Variants in NRXN1 observed in about 807,000 individuals in gnomAD.
The protein encoded by NRXN1 is neurexin-1.
NRXN1 carries 39 observed loss-of-function variants against 150.9 expected under a neutral mutation model. That is an observed-to-expected ratio of 0.26 (90% CI 0.20 to 0.34). The LOEUF (loss-of-function observed/expected upper bound fraction) is 0.34, where lower values mean the gene tolerates loss of function less well. Among genes scored for constraint, NRXN1 ranks in the 10% least tolerant of loss-of-function variants. The probability of loss-of-function intolerance (pLI) is 1.00; values close to 1 mark genes in which losing one functional copy is unlikely to be tolerated. For synonymous variants in NRXN1, 924 were observed against 757.0 expected, an observed-to-expected ratio of 1.22 and a Z score of -3.62; for missense variants, 1,815 against 1,949.9, an observed-to-expected ratio of 0.93 and a Z score of 1.30.
intron 5 of NRXN1, among the ~76,000 whole-genome samples, chr2:50,703,690 G>A (rs567522543): frequency 2.0e-4 from 31 of 152,270 alleles, no homozygotes; most frequent in Admixed American, 6.5e-4. Context: ...GATCAGAGCT[G>A]TGCAATAATG....
chr2:50,776,637 T>TAC (rs1457194706), intron 5 of NRXN1, among the ~76,000 whole-genome samples: 1 of 140,226 alleles, frequency 7.1e-6, no homozygotes, highest in Non-Finnish European at 1.6e-5. Flanking sequence ...TAGTGAGATA[T>TAC]ATATATATAT....
At chr2:50,291,614 G>A (rs372630121) in intron 17 of NRXN1, among the ~76,000 whole-genome samples, 2 of 152,232 alleles carry the variant, frequency 1.3e-5, no homozygotes, top group South Asian at 2.1e-4. Context: ...ACAATTTAAC[G>A]AAGCCCGAAG....
At chr2:50,919,424 T>G (rs982320590) in intron 5 of NRXN1, 4 of 151,748 alleles carry the variant, frequency 2.6e-5, no homozygotes, top group African/African-American at 9.7e-5. Flanking sequence ...TTTAAACAGT[T>G]AGAAAATATT....
At chr2:49,974,017 T>C (rs1483338926) in intron 21 of NRXN1, 1 of 717,336 alleles carries the variant, frequency 1.4e-6, no homozygotes, top group Non-Finnish European at 2.6e-6. Flanking sequence ...CTGGCTACCC[T>C]GCGTGCTTAG....
At chr2:50,481,760 C>CTTTTTTTTTTTTTTTTTTTTT (rs758265489) in intron 15 of NRXN1, among the ~76,000 whole-genome samples, 1 of 82,958 alleles carries the variant, frequency 1.2e-5, no homozygotes, top group Non-Finnish European at 2.0e-5. Context: ...ACTTTTGTTT[C>CTTTTTTTTTTTTTTTTTTTTT]TTTTTTTTTT....
chr2:50,728,385 C>T (rs1009683682), intron 5 of NRXN1, among the ~76,000 whole-genome samples: 1 of 152,134 alleles, frequency 6.6e-6, no homozygotes, highest in Non-Finnish European at 1.5e-5. Context: ...TAAGGACTGG[C>T]TTTCTGAGTT....
At chr2:50,622,463 CT>C (rs1680202900) in intron 6 of NRXN1, among the ~76,000 whole-genome samples, 1 of 152,118 alleles carries the variant, frequency 6.6e-6, no homozygotes, top group African/African-American at 2.4e-5. Context: ...AAATTAGTCA[CT>C]GTCAACACTT....
intron 8 of NRXN1, among the ~76,000 whole-genome samples, chr2:50,592,589 TA>T (rs1439970408): frequency 6.6e-6 from 1 of 152,004 alleles, no homozygotes; most frequent in Non-Finnish European, 1.5e-5. Flanking sequence ...GCTTAGGGAG[TA>T]AAAAGTGAAA....
chr2:50,008,339 G>C (rs1275398494), intron 21 of NRXN1, among the ~76,000 whole-genome samples: 2 of 152,026 alleles, frequency 1.3e-5, no homozygotes. Context: ...CTTGGAGGTA[G>C]TTAGCTTCCT....
At chr2:50,619,779 T>G (rs1012576183) in intron 8 of NRXN1, 1 of 426,640 alleles carries the variant, frequency 2.3e-6, no homozygotes. Flanking sequence ...TAATATCAAC[T>G]GTCCACACAA....
intron 17 of NRXN1, among the ~76,000 whole-genome samples, chr2:50,377,059 C>G (rs915559497): frequency 2.0e-5 from 3 of 151,288 alleles, no homozygotes; most frequent in Admixed American, 6.6e-5. Context: ...TCTCTACAAA[C>G]TGATTATCCA....
chr2:50,233,845 C>A (rs986183466), intron 18 of NRXN1, among the ~76,000 whole-genome samples: 2 of 151,866 alleles, frequency 1.3e-5, no homozygotes, highest in African/African-American at 4.8e-5. Flanking sequence ...AGAAGTAGAA[C>A]AATTTATTGG....
At chr2:50,351,127 G>T (rs918061392) in intron 17 of NRXN1, among the ~76,000 whole-genome samples, 1 of 152,142 alleles carries the variant, frequency 6.6e-6, no homozygotes, top group Non-Finnish European at 1.5e-5. Flanking sequence ...CAGTCTTTGG[G>T]CTTGCAATTT....
intron 18 of NRXN1, among the ~76,000 whole-genome samples, chr2:50,211,971 G>A (rs1250513518): frequency 1.3e-5 from 2 of 151,530 alleles, no homozygotes; most frequent in Non-Finnish European, 3.0e-5. Flanking sequence ...ATTCATGGGA[G>A]CAAATCAATA....
At chr2:50,841,015 T>A (rs2105928133) in intron 5 of NRXN1, 1 of 152,710 alleles carries the variant, frequency 6.5e-6, no homozygotes, top group Middle Eastern at 3.4e-3. Flanking sequence ...ATGTCAACGT[T>A]GCTTCTGCCC....
At chr2:50,737,171 GACA>G (rs994296987) in intron 5 of NRXN1, among the ~76,000 whole-genome samples, 1 of 151,852 alleles carries the variant, frequency 6.6e-6, no homozygotes, top group African/African-American at 2.4e-5. Flanking sequence ...AGGCAGCCTG[GACA>G]ACAAGAGCAA....
chr2:50,625,649 C>A lies in NRXN1; in HGVS notation c.833-2034G>T, dbSNP rs73933007. 8.0e-3 allele frequency among the ~76,000 whole-genome samples: 1,214 copies of A among 152,148 alleles called. 19 individuals are homozygous for A. The highest frequency in any genetic ancestry group is 0.028 in the African/African-American group (1,157 of 41,528). ...TGGGCACAAGTACAACTATATATTA[C>A]TATTATACTGAGAGGAAAATGTGGG... On this transcript the variant is annotated intron_variant, in intron 5 of 22. Coordinates refer to ENST00000401669, the MANE Select transcript of NRXN1 (RefSeq NM_001330078.2).
At chr2:50,290,360 T>C (rs555455533) in intron 17 of NRXN1, among the ~76,000 whole-genome samples, 1 of 152,332 alleles carries the variant, frequency 6.6e-6, no homozygotes, top group African/African-American at 2.4e-5. Context: ...TGAGTTGTTC[T>C]GTATATAATA....
intron 17 of NRXN1, among the ~76,000 whole-genome samples, chr2:50,423,059 T>A (rs1484916803): frequency 6.6e-6 from 1 of 152,204 alleles, no homozygotes; most frequent in African/African-American, 2.4e-5. Context: ...ATTTTCAGTC[T>A]ACTAGCTCAC....
Sources: allele counts gnomAD v4.1 joint callset (sites outside exome capture counted in the v4.1 genomes callset), GRCh38; gene constraint gnomAD v4.1.1; transcripts MANE v1.5; gene names NCBI Gene and HGNC (gene_info 2026-07-23, HGNC 2026-07-21).